Variants in EXOC4 observed in about 807,000 individuals in gnomAD.
EXOC4 encodes SEC8-like 1.
A neutral mutation model predicts 107.2 loss-of-function variants in EXOC4; 71 were observed. That is an observed-to-expected ratio of 0.66 (90% CI 0.55 to 0.81). The LOEUF is 0.81. Ranked by LOEUF, EXOC4 falls within the 30% of genes least tolerant of loss-of-function variation. The pLI, the probability that EXOC4 is intolerant of heterozygous loss-of-function variation, is 0.00. For synonymous variants in EXOC4, 456 were observed against 441.2 expected, an observed-to-expected ratio of 1.03 and a Z score of -0.42; for missense variants, 1,108 against 1,189.6, an observed-to-expected ratio of 0.93 and a Z score of 1.01.
intron 17 of EXOC4, among the ~76,000 whole-genome samples, chr7:134,062,558 C>G (rs966385197): frequency 6.6e-6 from 1 of 152,184 alleles, no homozygotes; most frequent in Non-Finnish European, 1.5e-5. Flanking sequence ...TGCTTCGTCT[C>G]CAAGAGTTGC....
At chr7:133,955,959 A>G (rs1480230269) in intron 14 of EXOC4, among the ~76,000 whole-genome samples, 1 of 152,158 alleles carries the variant, frequency 6.6e-6, no homozygotes, top group East Asian at 1.9e-4. Context: ...GGGGCTTCCC[A>G]GGCCCCTGAG....
Position 133,594,491 on chromosome 7 carries a change from G to GTTTTTTTTTTT in EXOC4, c.1418-35553_1418-35552insTTTTTTTTTTT, listed in dbSNP as rs1302445068. On this transcript the variant is annotated intron_variant, in intron 9 of 17. Transcript: ENST00000253861. ...TGAGACAAGAAATACATAAGCTTGA[G>GTTTTTTTTTTT]TCTTTTTTTTTTTTTTTTTTTTGAG... Among the ~76,000 whole-genome samples the GTTTTTTTTTTT allele has an allele frequency of 1.8e-3, 43 of 23,632 alleles. 1 individual carries two copies. Among genetic ancestry groups the GTTTTTTTTTTT allele is most frequent in the African/African-American group, 5.0e-3 (30 of 6,000 alleles). The allele number at this position is 23,632 out of a possible 152,430, so 15.5% of individuals were successfully genotyped here. A position where few individuals can be genotyped will look rare whatever the true frequency, so the allele number is the denominator to read the frequency against.
chr7:133,560,917 G>C (rs1800792511), intron 9 of EXOC4, among the ~76,000 whole-genome samples: 2 of 152,058 alleles, frequency 1.3e-5, no homozygotes, highest in African/African-American at 4.8e-5. Flanking sequence ...AAAGAAACCT[G>C]CTAAGAGTAT....
rs1264963271 is a variant in EXOC4 at position 133,905,633 on chromosome 7, A to AT, written c.1871+9907dup. Among the ~76,000 whole-genome samples, 7 of 151,486 alleles carry AT rather than the reference A, an allele frequency of 4.6e-5. No individual in the cohort carries two copies. The South Asian group carries it at 1.0e-3, about 23-fold the overall frequency. On this transcript the variant is annotated intron_variant, in intron 12 of 17. Coordinates refer to ENST00000253861, the MANE Select transcript of EXOC4 (RefSeq NM_021807.4). ...CAATTTACTATCAGTTCATTAATCA[A>AT]TTTTTTTTTCTTGGAGGTGGGGGAT...
At chr7:133,817,098 T>G (rs1797390419) in intron 10 of EXOC4, among the ~76,000 whole-genome samples, 1 of 152,206 alleles carries the variant, frequency 6.6e-6, no homozygotes, top group African/African-American at 2.4e-5. Flanking sequence ...GTCTTCTCCT[T>G]TTCCCCCCAT....
intron 14 of EXOC4, among the ~76,000 whole-genome samples, chr7:133,961,020 G>T (rs1197639623): frequency 6.6e-6 from 1 of 152,146 alleles, no homozygotes; most frequent in Non-Finnish European, 1.5e-5. Flanking sequence ...TGACAATTAA[G>T]GTTCTCGGCT....
At position 133,990,807 on chromosome 7, in the gene EXOC4, A is replaced by G. The variant is rs867935805; in HGVS notation, c.2207-6685A>G. Reference sequence around the variant, plus strand: ...ATATTCCATTGTGTATATCTACCACATTTTCTTCCACCATTCATGAATTGG... The same window carrying G: ...ATATTCCATTGTGTATATCTACCACGTTTTCTTCCACCATTCATGAATTGG... On this transcript the variant is annotated intron_variant, in intron 14 of 17. Coordinates refer to ENST00000253861, the MANE Select transcript of EXOC4 (RefSeq NM_021807.4). Among the ~76,000 whole-genome samples the G allele has an allele frequency of 3.8e-4, 58 of 151,922 alleles. 1 individual carries two copies. Among genetic ancestry groups the G allele is most frequent in the African/African-American group, 1.3e-3 (53 of 41,332 alleles).
Position 133,812,834 on chromosome 7 carries a change from T to A in EXOC4, c.1515-4491T>A, listed in dbSNP as rs531714116. On this transcript the variant is annotated intron_variant, in intron 10 of 17. Coordinates refer to ENST00000253861, the MANE Select transcript of EXOC4 (RefSeq NM_021807.4). ...TCACCATGCCGTGTATTAGATCTCT[T>A]GATCTCTTGAATTTACCCCTCCCGG... Among the ~76,000 whole-genome samples, 8 of 152,272 alleles carry A rather than the reference T, an allele frequency of 5.3e-5. No individual in the cohort carries two copies. The South Asian group carries it at 1.5e-3, about 28-fold the overall frequency.
downstream of EXOC4, among the ~76,000 whole-genome samples, chr7:134,067,827 T>C (rs1032407404): frequency 1.3e-5 from 2 of 152,136 alleles, no homozygotes; most frequent in Non-Finnish European, 2.9e-5. Flanking sequence ...AAGCACTTCT[T>C]TCTACCTGCT....
chr7:133,434,991 T>G (rs1584915064), intron 7 of EXOC4, among the ~76,000 whole-genome samples: 2 of 152,236 alleles, frequency 1.3e-5, no homozygotes, highest in East Asian at 3.8e-4. Flanking sequence ...CAGTGTGGCT[T>G]AATTTTCCAG....
At chr7:133,929,690 C>T (rs112045306) in intron 13 of EXOC4, among the ~76,000 whole-genome samples, 10 of 152,196 alleles carry the variant, frequency 6.6e-5, no homozygotes, top group Admixed American at 2.0e-4. Flanking sequence ...ACATAGTACC[C>T]GATGGGTAGT....
intron 10 of EXOC4, among the ~76,000 whole-genome samples, chr7:133,745,376 ACTGT>A (rs1454014509): frequency 1.3e-5 from 2 of 152,134 alleles, no homozygotes; most frequent in African/African-American, 2.4e-5. Context: ...CTTTAAACTT[ACTGT>A]CTAATTTTAT....
At chr7:133,877,114 T>C (rs1407894567) in intron 11 of EXOC4, among the ~76,000 whole-genome samples, 1 of 151,990 alleles carries the variant, frequency 6.6e-6, no homozygotes, top group Non-Finnish European at 1.5e-5. Flanking sequence ...TTTCTGTCTG[T>C]GTTTTATTTG....
chr7:133,721,426 T>C (rs979699234), intron 10 of EXOC4, among the ~76,000 whole-genome samples: 7 of 152,188 alleles, frequency 4.6e-5, no homozygotes, highest in African/African-American at 1.4e-4. Flanking sequence ...CAGGGTGGTG[T>C]GTCAGAAAAA....
chr7:133,795,615 G>GTGACAT (rs1796797537), intron 10 of EXOC4, among the ~76,000 whole-genome samples: 1 of 152,148 alleles, frequency 6.6e-6, no homozygotes, highest in Admixed American at 6.5e-5. Flanking sequence ...GATTCTTTCT[G>GTGACAT]TGACATCATA....
At chr7:133,803,901 A>G (rs148630405) in intron 10 of EXOC4, among the ~76,000 whole-genome samples, 2 of 152,332 alleles carry the variant, frequency 1.3e-5, no homozygotes, top group East Asian at 3.9e-4. Flanking sequence ...TCTTGAAGGA[A>G]CAAAGAACTG....
At chr7:134,016,374 C>T (rs1336133682) in intron 17 of EXOC4, among the ~76,000 whole-genome samples, 1 of 152,032 alleles carries the variant, frequency 6.6e-6, no homozygotes, top group Non-Finnish European at 1.5e-5. Flanking sequence ...GGAAGAGGAG[C>T]CCCTGAAGAA....
chr7:133,773,424 G>A (rs1317571810), intron 10 of EXOC4, among the ~76,000 whole-genome samples: 2 of 151,608 alleles, frequency 1.3e-5, no homozygotes, highest in African/African-American at 4.9e-5. Flanking sequence ...AGTACAAGAA[G>A]TGTGGAGAAG....
intron 9 of EXOC4, 98 bp downstream of exon 9, chr7:133,480,236 G>T: frequency 6.5e-7 from 1 of 1,548,864 alleles, no homozygotes; most frequent in East Asian, 2.4e-5. Context: ...ATCCTTTCAA[G>T]GTAACAAACA....
Sources: gnomAD v4.1 joint callset for allele counts (sites outside exome capture counted in the v4.1 genomes callset) on GRCh38, gnomAD v4.1.1 for gene constraint, MANE v1.5 for transcripts, NCBI Gene and HGNC (gene_info 2026-07-23, HGNC 2026-07-21) for gene names.